The following CD99 variants were observed in gnomAD, a reference collection of about 807,000 sequenced individuals.
CD99 encodes CD99 molecule (Xg blood group), also known as CD99 antigen.
CD99 carries 19 observed loss-of-function variants against 28.4 expected under a neutral mutation model. The observed-to-expected ratio is 0.67, with a 90% CI of 0.47 to 0.98. The LOEUF is 0.98. Ranked by LOEUF, CD99 falls within the 50% of genes least tolerant of loss-of-function variation. The pLI is 0.00. For missense variants in CD99, 283 were observed against 248.8 expected (o/e 1.14, Z -0.92); for synonymous variants, 103 against 92.1 (o/e 1.12, Z -0.67).
chrX:2,695,164 A>G (rs1422050221), intron 1 of CD99, among the ~76,000 whole-genome samples: 2 of 152,104 alleles, frequency 1.3e-5, no homozygotes, highest in East Asian at 1.9e-4. Flanking sequence ...TTATAGACAC[A>G]GTAAGAAATA....
chrX:2,715,632 G>A (rs1432222572), intron 2 of CD99: 1 of 152,038 alleles, frequency 6.6e-6, no homozygotes, highest in Non-Finnish European at 1.5e-5. Context: ...CTCATTACCA[G>A]GTTTTAGGCT....
chrX:2,694,618 T>C (rs1477128640), intron 1 of CD99, among the ~76,000 whole-genome samples: 1 of 152,048 alleles, frequency 6.6e-6, no homozygotes, highest in Non-Finnish European at 1.5e-5. Context: ...CCGGGCGTGG[T>C]GGTGAGCGCC....
Position 2,741,016 on chromosome X carries a change from T to TGGAC in CD99, c.*213_*216dup. ...TTACATCCAAAGGGGGATAGGCACT[T>TGGAC]GGACCCCCATTCTCCAAGGCCCGGG... On this transcript the variant is annotated 3_prime_UTR_variant, in exon 10 of 10. Transcript: ENST00000381192. The TGGAC allele has an allele frequency of 1.6e-6, 1 of 619,290 alleles. No homozygotes were observed. Among genetic ancestry groups the TGGAC allele is most frequent in the Non-Finnish European group, 2.9e-6 (1 of 345,884 alleles). The allele number at this position is 619,290 out of a possible 1,614,324, so 38.4% of individuals were successfully genotyped here. A position where few individuals can be genotyped will look rare whatever the true frequency, so the allele number is the denominator to read the frequency against.
rs375959592 is a variant in CD99, at chrX:2,740,807, G to C, written c.*3G>C. 58 of 1,613,814 alleles carry C rather than the reference G, an allele frequency of 3.6e-5. No homozygotes were observed. Among genetic ancestry groups the C allele is most frequent in the Non-Finnish European group, 4.7e-5 (56 of 1,179,856 alleles). On this transcript the variant is annotated 3_prime_UTR_variant, in exon 10 of 10. Transcript: ENST00000381192. ...AGCGTACTCTTTTAGAGAAATAGAA[G>C]ATTGTCGGCAGAAACAGCCCAGGCG...
chrX:2,716,791 T>G (rs1188286768), intron 2 of CD99, among the ~76,000 whole-genome samples: 2 of 152,162 alleles, frequency 1.3e-5, no homozygotes, highest in African/African-American at 4.8e-5. Context: ...TTCCCTGCAG[T>G]GGGAGGTGCC....
chrX:2,709,850 G>A (rs1278765257), intron 1 of CD99, among the ~76,000 whole-genome samples: 2 of 152,176 alleles, frequency 1.3e-5, no homozygotes, highest in Non-Finnish European at 2.9e-5. Flanking sequence ...TGCCCAGCAA[G>A]AAGCATGGAC....
chrX:2,732,440 C>G (rs370363213), intron 8 of CD99, among the ~76,000 whole-genome samples: 4 of 152,134 alleles, frequency 2.6e-5, no homozygotes, highest in East Asian at 1.9e-4. Context: ...CTCTCCCTGT[C>G]TCCTTCTTTC....
intron 8 of CD99, among the ~76,000 whole-genome samples, chrX:2,728,652 C>T (rs1165080610): frequency 4.6e-5 from 7 of 152,034 alleles, no homozygotes; most frequent in South Asian, 4.1e-4. Flanking sequence ...CTAGAAGTAG[C>T]GGAGGGGTTA....
At chrX:2,698,770 G>T (rs145585506) in intron 1 of CD99, among the ~76,000 whole-genome samples, 1,569 of 152,222 alleles carry the variant, frequency 0.01, 25 homozygotes, top group African/African-American at 0.036. Flanking sequence ...ATTTCTGAGT[G>T]ATGGTTTCAG....
At chrX:2,728,916 A>G (rs866466644) in intron 8 of CD99, among the ~76,000 whole-genome samples, 1 of 148,288 alleles carries the variant, frequency 6.7e-6, no homozygotes, top group Non-Finnish European at 1.5e-5. Context: ...GGCTCACTGC[A>G]ACCTCGCGGG....
chrX:2,712,744 G>A (rs2048474438), intron 1 of CD99, among the ~76,000 whole-genome samples: 1 of 151,842 alleles, frequency 6.6e-6, no homozygotes, highest in South Asian at 2.1e-4. Context: ...ACTTATTGTT[G>A]ACACACACAG....
intron 8 of CD99, among the ~76,000 whole-genome samples, chrX:2,730,399 C>G (rs1349124791): frequency 6.6e-6 from 1 of 152,034 alleles, no homozygotes; most frequent in Non-Finnish European, 1.5e-5. Context: ...GTCTTGATCT[C>G]CTGACCTCAT....
intron 1 of CD99, among the ~76,000 whole-genome samples, chrX:2,694,726 C>G (rs1280220390): frequency 6.6e-6 from 1 of 151,814 alleles, no homozygotes; most frequent in African/African-American, 2.4e-5. Context: ...GCATTATGGC[C>G]TGGGTAACAG....
At chrX:2,704,149 G>A (rs1481262108) in intron 1 of CD99, among the ~76,000 whole-genome samples, 1 of 152,160 alleles carries the variant, frequency 6.6e-6, no homozygotes, top group Non-Finnish European at 1.5e-5. Context: ...GGTGTGAGGC[G>A]TGCTCAGCCC....
intron 2 of CD99, chrX:2,717,371 A>C: frequency 4.1e-6 from 2 of 485,924 alleles, no homozygotes; most frequent in Admixed American, 3.5e-5. Context: ...AAAGAAGTGG[A>C]GAAGGGGCTC....
chrX:2,692,794 TC>T (rs1359316163), intron 1 of CD99, among the ~76,000 whole-genome samples: 2 of 152,198 alleles, frequency 1.3e-5, no homozygotes, highest in Non-Finnish European at 2.9e-5. Flanking sequence ...ATGCATTCCT[TC>T]ATCCTTCATG....
chrX:2,738,752 C>A (rs774950015), intron 9 of CD99, among the ~76,000 whole-genome samples: 1 of 151,536 alleles, frequency 6.6e-6, no homozygotes, highest in African/African-American at 2.4e-5. Context: ...AAGTGGCACA[C>A]GATTGGTGCA....
intron 1 of CD99, among the ~76,000 whole-genome samples, chrX:2,709,790 A>G (rs1467495872): frequency 6.6e-6 from 1 of 152,098 alleles, no homozygotes; most frequent in East Asian, 1.9e-4. Flanking sequence ...AAAAAATCCA[A>G]AATGTGGCTT....
At position 2,740,920 on chromosome X, in the gene CD99, G is replaced by A. The variant is rs944101752; in HGVS notation, c.*116G>A. On this transcript the variant is annotated 3_prime_UTR_variant, in exon 10 of 10. Transcript: ENST00000381192. ...GAGATGGAGGCCTTCTGTTCACGGC[G>A]GATTCTTTGTTTTAATCTTGCGATG... The A allele has an allele frequency of 1.1e-4, 128 of 1,129,376 alleles. No homozygotes were observed. The highest frequency in any genetic ancestry group is 2.2e-4 in the Middle Eastern group (1 of 4,640). 70.0% of individuals were successfully genotyped at this position (1,129,376 alleles called of 1,614,324 possible).
Sources: gnomAD v4.1 joint callset for allele counts (sites outside exome capture counted in the v4.1 genomes callset) on GRCh38, gnomAD v4.1.1 for gene constraint, MANE v1.5 for transcripts, NCBI Gene and HGNC (gene_info 2026-07-23, HGNC 2026-07-21) for gene names.